Variants in CA10 observed in about 807,000 individuals in gnomAD.
CA10 encodes carbonic anhydrase 10 (inactive).
In CA10, 14 loss-of-function variants were observed where a neutral mutation model predicts 44.2. That is an observed-to-expected ratio of 0.32 (90% CI 0.21 to 0.50). The LOEUF is 0.50. Among genes scored for constraint, CA10 ranks in the 20% least tolerant of loss-of-function variants. The pLI is 0.99. For missense variants in CA10, 350 were observed against 409.7 expected (o/e 0.85, Z 1.26); for synonymous variants, 159 against 141.6 (o/e 1.12, Z -0.87).
chr17:51,884,172 C>G (rs542148662), intron 3 of CA10, among the ~76,000 whole-genome samples: 2 of 152,130 alleles, frequency 1.3e-5, no homozygotes, highest in African/African-American at 2.4e-5. Flanking sequence ...ACACAGCCAC[C>G]CTTTCCCTGG....
intron 3 of CA10, among the ~76,000 whole-genome samples, chr17:51,914,142 T>C (rs986653835): frequency 2.0e-5 from 3 of 152,172 alleles, no homozygotes; most frequent in Admixed American, 1.3e-4. Flanking sequence ...AATGTGCCTA[T>C]TACGGTTTCC....
Position 51,753,323 on chromosome 17 carries a change from G to A in CA10, c.280-5505C>T, listed in dbSNP as rs72832656. ...GCAAAGCAAAAATTGTATGCCTGGT[G>A]TATTTATTTTGCAAAATTAGATGTC... On this transcript the variant is annotated intron_variant, in intron 3 of 8. Transcript: ENST00000451037. Among the ~76,000 whole-genome samples, 779 of 152,314 alleles carry A rather than the reference G, an allele frequency of 5.1e-3. 4 individuals are homozygous for A. Among genetic ancestry groups the A allele is most frequent in the Non-Finnish European group, 5.8e-3 (397 of 68,030 alleles).
intron 1 of CA10, among the ~76,000 whole-genome samples, chr17:52,098,679 G>A (rs1988463014): frequency 6.6e-6 from 1 of 152,138 alleles, no homozygotes. Context: ...ACACTAGTTT[G>A]GAGGCTAGTG....
chr17:51,675,295 C>T (rs1479105577), intron 4 of CA10, among the ~76,000 whole-genome samples: 3 of 152,152 alleles, frequency 2.0e-5, no homozygotes, highest in Non-Finnish European at 2.9e-5. Context: ...CATGGTGGCT[C>T]ATGCCTATAA....
At chr17:52,047,296 C>T (rs1986938397) in intron 2 of CA10, among the ~76,000 whole-genome samples, 2 of 151,954 alleles carry the variant, frequency 1.3e-5, no homozygotes, top group Non-Finnish European at 2.9e-5. Context: ...GTGAAGGGGT[C>T]AGAGGAGTTC....
chr17:51,798,298 A>G (rs922037104), intron 3 of CA10, among the ~76,000 whole-genome samples: 1 of 152,242 alleles, frequency 6.6e-6, no homozygotes, highest in Non-Finnish European at 1.5e-5. Flanking sequence ...GAAGACCCTA[A>G]AGCTTTAGAG....
intron 2 of CA10, among the ~76,000 whole-genome samples, chr17:52,061,388 G>A (rs1467705831): frequency 1.3e-5 from 2 of 152,176 alleles, no homozygotes; most frequent in Admixed American, 6.6e-5. Flanking sequence ...CCTCCATAAT[G>A]CAGGCTGCCC....
intron 3 of CA10, among the ~76,000 whole-genome samples, chr17:51,892,618 G>A (rs762631642): frequency 8.5e-5 from 13 of 152,168 alleles, no homozygotes; most frequent in Non-Finnish European, 1.5e-4. Flanking sequence ...TGGGTTAGTT[G>A]GCCCAGCCTC....
At chr17:51,879,233 A>G (rs1980252232) in intron 3 of CA10, among the ~76,000 whole-genome samples, 1 of 152,106 alleles carries the variant, frequency 6.6e-6, no homozygotes, top group South Asian at 2.1e-4. Flanking sequence ...TCCACTGAAC[A>G]TGGTGTTACA....
intron 4 of CA10, among the ~76,000 whole-genome samples, chr17:51,656,897 G>A (rs1913815532): frequency 1.3e-5 from 2 of 152,148 alleles, no homozygotes; most frequent in Non-Finnish European, 2.9e-5. Context: ...AATTTGGGTG[G>A]GTTAAGGAGC....
At chr17:51,640,869 A>G (rs1301941398) in intron 6 of CA10, among the ~76,000 whole-genome samples, 1 of 152,170 alleles carries the variant, frequency 6.6e-6, no homozygotes, top group Non-Finnish European at 1.5e-5. Flanking sequence ...AAGTAGACTG[A>G]GGACCAATAT....
At chr17:51,725,243 G>A (rs2143542429) in intron 4 of CA10, among the ~76,000 whole-genome samples, 1 of 152,356 alleles carries the variant, frequency 6.6e-6, no homozygotes, top group South Asian at 2.1e-4. Flanking sequence ...AAGGATTGAT[G>A]AGTGGGCCGG....
intron 4 of CA10, among the ~76,000 whole-genome samples, chr17:51,706,825 C>T (rs759343781): frequency 2.6e-5 from 4 of 152,158 alleles, no homozygotes; most frequent in Non-Finnish European, 5.9e-5. Flanking sequence ...GGGCCGGAAA[C>T]CTCTCTACCT....
intron 2 of CA10, among the ~76,000 whole-genome samples, chr17:51,969,595 G>C (rs1237207962): frequency 6.6e-6 from 1 of 151,972 alleles, no homozygotes; most frequent in East Asian, 1.9e-4. Context: ...ATGTTGAATA[G>C]AAGAATAGAT....
intron 3 of CA10, among the ~76,000 whole-genome samples, chr17:51,914,333 T>A (rs1981906573): frequency 6.6e-6 from 1 of 152,128 alleles, no homozygotes; most frequent in African/African-American, 2.4e-5. Flanking sequence ...AAACTATGTG[T>A]TTTCCCCTGA....
intron 4 of CA10, among the ~76,000 whole-genome samples, chr17:51,714,912 G>A (rs1916051002): frequency 6.6e-6 from 1 of 152,164 alleles, no homozygotes. Flanking sequence ...GCAGAGCCTG[G>A]TAACACAAGA....
chr17:51,914,322 A>G (rs1981905976), intron 3 of CA10, among the ~76,000 whole-genome samples: 1 of 152,162 alleles, frequency 6.6e-6, no homozygotes, highest in Non-Finnish European at 1.5e-5. Context: ...CCTAGAAATT[A>G]AAACTATGTG....
intron 4 of CA10, among the ~76,000 whole-genome samples, chr17:51,747,105 T>C (rs1904715699): frequency 6.6e-6 from 1 of 152,228 alleles, no homozygotes; most frequent in Non-Finnish European, 1.5e-5. Flanking sequence ...TGCTGTGGCC[T>C]GAGTTCTGTC....
intron 2 of CA10, among the ~76,000 whole-genome samples, chr17:51,932,273 C>T (rs752808367): frequency 4.6e-5 from 7 of 152,062 alleles, no homozygotes; most frequent in Non-Finnish European, 1.0e-4. Flanking sequence ...TCACATTAGC[C>T]TTCTTAAATG....
Sources: allele counts gnomAD v4.1 joint callset (sites outside exome capture counted in the v4.1 genomes callset), GRCh38; gene constraint gnomAD v4.1.1; transcripts MANE v1.5; gene names NCBI Gene and HGNC (gene_info 2026-07-23, HGNC 2026-07-21).